Variants in KCNH8 observed in about 807,000 individuals in gnomAD.
The protein encoded by KCNH8 is voltage-gated delayed rectifier potassium channel KCNH8.
In KCNH8, 70 loss-of-function variants were observed where a neutral mutation model predicts 103.6. That is an observed-to-expected ratio of 0.68 (90% CI 0.56 to 0.82). KCNH8 has a LOEUF of 0.82. Among genes scored for constraint, KCNH8 ranks in the 40% least tolerant of loss-of-function variants. KCNH8 has a pLI of 0.00. For missense variants in KCNH8, 1,217 were observed against 1,329.9 expected, an observed-to-expected ratio of 0.92 and a Z score of 1.32; for synonymous variants, 498 against 489.4, an observed-to-expected ratio of 1.02 and a Z score of -0.23.
intron 11 of KCNH8, among the ~76,000 whole-genome samples, chr3:19,495,255 C>A (rs775428075): frequency 6.6e-6 from 1 of 152,214 alleles, no homozygotes; most frequent in Admixed American, 6.5e-5. Flanking sequence ...GCATCTTTTT[C>A]GTGAAATCTT....
At position 19,373,914 on chromosome 3, in the gene KCNH8, C is replaced by T. The variant is rs551280015; in HGVS notation, c.812-16567C>T. ...GTTGTTCAGTTTCCATGTAGTTGAGCGGTTTTGAGTGAGATTCTTAATCCT... is the reference window on the plus strand; with the variant it reads ...GTTGTTCAGTTTCCATGTAGTTGAGTGGTTTTGAGTGAGATTCTTAATCCT... On this transcript the variant is annotated intron_variant, in intron 5 of 15. Transcript: ENST00000328405. 9.1e-3 allele frequency among the ~76,000 whole-genome samples: 1,379 copies of T among 151,918 alleles called. 12 individuals are homozygous for T. Among genetic ancestry groups the T allele is most frequent in the Non-Finnish European group, 0.013 (913 of 67,872 alleles).
intron 11 of KCNH8, among the ~76,000 whole-genome samples, chr3:19,489,387 T>C (rs979149170): frequency 1.3e-5 from 2 of 152,114 alleles, no homozygotes; most frequent in African/African-American, 4.8e-5. Flanking sequence ...CCTGTCCTCT[T>C]AACCACTGTG....
chr3:19,180,263 TTCAAAGGGCCAAGACAGACTTGG>T (rs1425953391), intron 1 of KCNH8, among the ~76,000 whole-genome samples: 66 of 11,366 alleles, frequency 5.8e-3, no homozygotes, highest in African/African-American at 0.018. Flanking sequence ...GACTTGGCCC[TTCAAAGGGCCAAGACAGACTTGG>T]CCCTTCAAAG....
At chr3:19,283,652 T>G (rs2064787521) in intron 3 of KCNH8, among the ~76,000 whole-genome samples, 1 of 151,904 alleles carries the variant, frequency 6.6e-6, no homozygotes, top group African/African-American at 2.4e-5. Flanking sequence ...TATAAAATGA[T>G]AATTAAAAAT....
At chr3:19,412,395 G>C (rs966849341) in intron 7 of KCNH8, among the ~76,000 whole-genome samples, 1 of 151,736 alleles carries the variant, frequency 6.6e-6, no homozygotes, top group African/African-American at 2.4e-5. Flanking sequence ...AAAAACTCAA[G>C]GTGGATTAAA....
intron 1 of KCNH8, among the ~76,000 whole-genome samples, chr3:19,193,650 AT>A (rs2063573957): frequency 6.6e-6 from 1 of 151,726 alleles, no homozygotes; most frequent in African/African-American, 2.4e-5. Flanking sequence ...TAAATTTTGA[AT>A]AGAGGGAAAA....
At chr3:19,529,501 TGAA>T (rs1358298906) in intron 15 of KCNH8, among the ~76,000 whole-genome samples, 1 of 152,170 alleles carries the variant, frequency 6.6e-6, no homozygotes, top group Non-Finnish European at 1.5e-5. Context: ...TACCATGCTA[TGAA>T]GAAGCACTTG....
At chr3:19,289,008 T>G (rs1235787471) in intron 3 of KCNH8, among the ~76,000 whole-genome samples, 4 of 152,196 alleles carry the variant, frequency 2.6e-5, no homozygotes, top group African/African-American at 9.7e-5. Flanking sequence ...TCACGTGTCT[T>G]TTGGCTGCAT....
At chr3:19,235,085 A>C (rs1369698520) in intron 1 of KCNH8, among the ~76,000 whole-genome samples, 2 of 152,244 alleles carry the variant, frequency 1.3e-5, no homozygotes, top group Admixed American at 6.5e-5. Context: ...TGGTGACGTT[A>C]GGAGAAATGT....
intron 5 of KCNH8, among the ~76,000 whole-genome samples, chr3:19,376,843 C>G (rs1019197438): frequency 2.0e-5 from 3 of 152,194 alleles, no homozygotes; most frequent in Non-Finnish European, 2.9e-5. Flanking sequence ...AAGCAACTCT[C>G]ATTCCCCTTT....
At chr3:19,510,492 A>G in intron 12 of KCNH8, 91 bp downstream of exon 12, 1 of 854,190 alleles carries the variant, frequency 1.2e-6, no homozygotes, top group Non-Finnish European at 2.0e-6. Flanking sequence ...AATTTCATGT[A>G]TTTATCTTTT....
intron 15 of KCNH8, among the ~76,000 whole-genome samples, chr3:19,524,932 G>C (rs1041856550): frequency 6.6e-6 from 1 of 151,934 alleles, no homozygotes; most frequent in Admixed American, 6.6e-5. Context: ...GGCCAGAGTA[G>C]AGAGCAGTTA....
rs189563116 is a variant in KCNH8 at position 19,382,784 on chromosome 3, A to G, written c.812-7697A>G. 1.3e-3 allele frequency among the ~76,000 whole-genome samples: 202 copies of G among 152,190 alleles called. 4 individuals carry two copies. Among genetic ancestry groups the G allele is most frequent in the Non-Finnish European group, 8.1e-4 (55 of 67,994 alleles). Reference sequence around the variant, plus strand: ...GCTCTATGGCTTTACAAAAACACCTATCAGTCAGGATGGGCTAGGGTGTGC... The same window carrying G: ...GCTCTATGGCTTTACAAAAACACCTGTCAGTCAGGATGGGCTAGGGTGTGC... On this transcript the variant is annotated intron_variant, in intron 5 of 15. Coordinates refer to ENST00000328405, the MANE Select transcript of KCNH8 (RefSeq NM_144633.3).
At chr3:19,500,733 G>A (rs150121445) in intron 11 of KCNH8, among the ~76,000 whole-genome samples, 5,608 of 152,062 alleles carry the variant, frequency 0.037, 292 homozygotes, top group East Asian at 0.26. Context: ...TGAAACCAAC[G>A]AGAACAAAGA....
intron 11 of KCNH8, among the ~76,000 whole-genome samples, chr3:19,476,317 T>C (rs1317062219): frequency 1.3e-5 from 2 of 152,162 alleles, no homozygotes; most frequent in African/African-American, 4.8e-5. Flanking sequence ...ACAATGGGCT[T>C]CCTAGGCAGC....
intron 2 of KCNH8, among the ~76,000 whole-genome samples, chr3:19,273,092 A>G (rs536604518): frequency 1.4e-4 from 21 of 152,304 alleles, no homozygotes; most frequent in Non-Finnish European, 2.1e-4. Flanking sequence ...CCAGAGTCCC[A>G]GATCCTCATA....
At chr3:19,219,611 C>G (rs752420550) in intron 1 of KCNH8, among the ~76,000 whole-genome samples, 5 of 152,228 alleles carry the variant, frequency 3.3e-5, no homozygotes, top group Non-Finnish European at 5.9e-5. Flanking sequence ...TTCTTGCACA[C>G]TGCAACATGG....
intron 8 of KCNH8, among the ~76,000 whole-genome samples, chr3:19,443,715 T>G (rs991938733): frequency 1.3e-5 from 2 of 151,950 alleles, no homozygotes; most frequent in Non-Finnish European, 2.9e-5. Context: ...AATTCAATAA[T>G]GTTTATGGAC....
At chr3:19,309,216 G>GC (rs1402741693) in intron 3 of KCNH8, among the ~76,000 whole-genome samples, 2 of 151,922 alleles carry the variant, frequency 1.3e-5, no homozygotes, top group African/African-American at 4.8e-5. Context: ...AGCAAGTGCT[G>GC]CCATTGTCTA....
Sources: allele counts gnomAD v4.1 joint callset (sites outside exome capture counted in the v4.1 genomes callset), GRCh38; gene constraint gnomAD v4.1.1; transcripts MANE v1.5; gene names NCBI Gene and HGNC (gene_info 2026-07-23, HGNC 2026-07-21).